JMJD1C: variants seen among roughly 807,000 people sequenced by gnomAD.
The protein encoded by JMJD1C is jumonji domain containing 1C.
A neutral mutation model predicts 245.3 loss-of-function variants in JMJD1C; 31 were observed. The ratio of observed to expected loss-of-function variants is 0.13; its 90% CI spans 0.09 to 0.17. The LOEUF (loss-of-function observed/expected upper bound fraction) is 0.17. Ranked by LOEUF, JMJD1C falls within the 10% of genes least tolerant of loss-of-function variation. JMJD1C has a pLI of 1.00. For synonymous variants in JMJD1C, 1,057 were observed against 1,017.4 expected, an observed-to-expected ratio of 1.04 and a Z score of -0.74; for missense variants, 2,691 against 3,000.2, an observed-to-expected ratio of 0.90 and a Z score of 2.41.
intron 2 of JMJD1C, among the ~76,000 whole-genome samples, chr10:63,287,824 T>C (rs1360742530): frequency 6.6e-6 from 1 of 152,098 alleles, no homozygotes; most frequent in Non-Finnish European, 1.5e-5. Flanking sequence ...TCTTGGCTCC[T>C]TGCAACCTCC....
intron 1 of JMJD1C, among the ~76,000 whole-genome samples, chr10:63,457,280 A>G (rs1461031825): frequency 6.6e-6 from 1 of 152,194 alleles, no homozygotes; most frequent in Non-Finnish European, 1.5e-5. Flanking sequence ...ATTTAAGATG[A>G]AGGTGTTTTC....
intron 1 of JMJD1C, among the ~76,000 whole-genome samples, chr10:63,391,642 A>G (rs1214803603): frequency 7.9e-5 from 12 of 152,184 alleles, no homozygotes; most frequent in Non-Finnish European, 7.3e-5. Flanking sequence ...AAAACAGATG[A>G]ATGAAACTGA....
At chr10:63,453,723 A>T (rs1952218993) in intron 1 of JMJD1C, among the ~76,000 whole-genome samples, 1 of 152,118 alleles carries the variant, frequency 6.6e-6, no homozygotes, top group South Asian at 2.1e-4. Context: ...CATGTGAAAA[A>T]GCAATAGTTT....
chr10:63,422,960 T>C (rs1447496872), intron 1 of JMJD1C, among the ~76,000 whole-genome samples: 1 of 151,852 alleles, frequency 6.6e-6, no homozygotes. Context: ...ACCAAAACTT[T>C]TTTTTTTTCT....
intron 1 of JMJD1C, among the ~76,000 whole-genome samples, chr10:63,518,053 A>G (rs558200330): frequency 6.6e-6 from 1 of 152,186 alleles, no homozygotes; most frequent in Non-Finnish European, 1.5e-5. Context: ...TCGGCCTCCC[A>G]AAGTGCTGGG....
At chr10:63,248,778 A>G (rs942564827) in intron 3 of JMJD1C, among the ~76,000 whole-genome samples, 5 of 152,214 alleles carry the variant, frequency 3.3e-5, no homozygotes, top group African/African-American at 7.2e-5. Context: ...CTGCATTTCT[A>G]TGTTTACTGC....
At chr10:63,334,781 T>A (rs1942525938) in intron 2 of JMJD1C, among the ~76,000 whole-genome samples, 1 of 151,284 alleles carries the variant, frequency 6.6e-6, no homozygotes, top group Non-Finnish European at 1.5e-5. Flanking sequence ...TGATCTCAGC[T>A]TACTGCAACC....
intron 1 of JMJD1C, among the ~76,000 whole-genome samples, chr10:63,381,448 G>GGCTACAGTGAGCTATGATA (rs1046967034): frequency 6.6e-6 from 1 of 152,134 alleles, no homozygotes; most frequent in Non-Finnish European, 1.5e-5. Context: ...AGGAATTTGA[G>GGCTACAGTGAGCTATGATA]GCTACAGTGA....
At chr10:63,384,692 G>A (rs1361369695) in intron 1 of JMJD1C, among the ~76,000 whole-genome samples, 1 of 152,068 alleles carries the variant, frequency 6.6e-6, no homozygotes, top group East Asian at 1.9e-4. Flanking sequence ...AATTCTTAGG[G>A]GCCCTAGGAT....
intron 18 of JMJD1C, 33 bp from the exon 19 acceptor site, chr10:63,186,416 G>GAT (rs761502617): frequency 5.3e-6 from 8 of 1,503,950 alleles, no homozygotes; most frequent in Non-Finnish European, 7.2e-6. Context: ...ACAGTTAAAA[G>GAT]ATATATAGAC....
chr10:63,236,134 C>T (rs1298589979), intron 3 of JMJD1C, among the ~76,000 whole-genome samples: 5 of 152,090 alleles, frequency 3.3e-5, no homozygotes, highest in African/African-American at 1.2e-4. Context: ...TTTATCTATT[C>T]GGTTACAGCA....
intron 1 of JMJD1C, among the ~76,000 whole-genome samples, chr10:63,419,176 A>C (rs1000171363): frequency 6.6e-5 from 10 of 151,838 alleles, no homozygotes; most frequent in African/African-American, 2.4e-4. Flanking sequence ...ACCTGAGGTC[A>C]GGAGTTCGAG....
intron 1 of JMJD1C, among the ~76,000 whole-genome samples, chr10:63,463,323 T>C (rs1952930501): frequency 6.6e-6 from 1 of 152,042 alleles, no homozygotes; most frequent in Non-Finnish European, 1.5e-5. Context: ...TGTACTACTA[T>C]GCCCGGCTAA....
In JMJD1C at chr10:63,167,983, A is replaced by G. The variant is rs1841996285; in HGVS notation, c.*62T>C. 13 of 950,208 alleles carry G rather than the reference A, an allele frequency of 1.4e-5. No individual in the cohort carries two copies. The highest frequency in any genetic ancestry group is 1.7e-5 in the Admixed American group (1 of 58,174). The allele number at this position is 950,208 out of a possible 1,614,324, so 58.9% of individuals were successfully genotyped here. A position where few individuals can be genotyped will look rare whatever the true frequency, so the allele number is the denominator to read the frequency against. ...AAGCTTAAAGTCAGTGTGCATACAT[A>G]TCATCATTCAAGGTTAAGTAATCCC... is the stretch of plus-strand genomic sequence containing the variant. On this transcript the variant is annotated 3_prime_UTR_variant, in exon 26 of 26. Transcript: ENST00000399262.
At chr10:63,404,228 C>T (rs1186127205) in intron 1 of JMJD1C, among the ~76,000 whole-genome samples, 1 of 152,022 alleles carries the variant, frequency 6.6e-6, no homozygotes, top group Non-Finnish European at 1.5e-5. Context: ...AGAGTAAGGA[C>T]ACATAAAATG....
chr10:63,231,372 G>A (rs1849965831), intron 3 of JMJD1C, among the ~76,000 whole-genome samples: 2 of 152,148 alleles, frequency 1.3e-5, no homozygotes, highest in Admixed American at 1.3e-4. Flanking sequence ...AATTAGCCTG[G>A]TGGCCTTAAG....
chr10:63,425,501 T>C (rs1245556211), intron 1 of JMJD1C, among the ~76,000 whole-genome samples: 2 of 152,142 alleles, frequency 1.3e-5, no homozygotes, highest in African/African-American at 2.4e-5. Flanking sequence ...AACTGAAAAG[T>C]CTGGGCGCAG....
intron 3 of JMJD1C, among the ~76,000 whole-genome samples, chr10:63,220,941 T>C (rs1848526114): frequency 6.6e-6 from 1 of 152,032 alleles, no homozygotes. Context: ...ACCCCATCTC[T>C]ACTAAAAATA....
chr10:63,327,892 A>C (rs1437833212), intron 2 of JMJD1C, among the ~76,000 whole-genome samples: 1 of 151,402 alleles, frequency 6.6e-6, no homozygotes, highest in Non-Finnish European at 1.5e-5. Context: ...CTGGTCTTGA[A>C]CTCCTGACCT....
Sources: allele counts gnomAD v4.1 joint callset (sites outside exome capture counted in the v4.1 genomes callset), GRCh38; gene constraint gnomAD v4.1.1; transcripts MANE v1.5; gene names NCBI Gene and HGNC (gene_info 2026-07-23, HGNC 2026-07-21).